Variants in CAMK2D observed in about 807,000 individuals in gnomAD.
CAMK2D encodes calcium/calmodulin-dependent protein kinase type II subunit delta.
A neutral mutation model predicts 84.0 loss-of-function variants in CAMK2D; 37 were observed. The ratio of observed to expected loss-of-function variants is 0.44; its 90% CI spans 0.34 to 0.58. The LOEUF is 0.58. Among genes scored for constraint, CAMK2D ranks in the 20% least tolerant of loss-of-function variants. CAMK2D has a pLI of 0.02. For synonymous variants in CAMK2D, 202 were observed against 212.5 expected (o/e 0.95, Z 0.43); for missense variants, 448 against 652.5 (o/e 0.69, Z 3.41).
intron 8 of CAMK2D, among the ~76,000 whole-genome samples, chr4:113,522,479 G>T (rs2098374033): frequency 6.6e-6 from 1 of 152,130 alleles, no homozygotes; most frequent in Non-Finnish European, 1.5e-5. Context: ...GCCAATGAAG[G>T]GCAGAACAAA....
intron 15 of CAMK2D, among the ~76,000 whole-genome samples, chr4:113,501,314 G>A (rs1455227040): frequency 7.2e-6 from 1 of 138,082 alleles, no homozygotes; most frequent in Non-Finnish European, 1.6e-5. Context: ...AAAATGGTGT[G>A]ATAAATGTGC....
chr4:113,724,647 C>G (rs573875235), intron 2 of CAMK2D, among the ~76,000 whole-genome samples: 2 of 151,318 alleles, frequency 1.3e-5, no homozygotes, highest in Non-Finnish European at 3.0e-5. Context: ...TTGAAATAAG[C>G]GGCTTTTGGT....
At chr4:113,495,744 C>CCA (rs950610677) in intron 16 of CAMK2D, among the ~76,000 whole-genome samples, 1 of 152,092 alleles carries the variant, frequency 6.6e-6, no homozygotes, top group African/African-American at 2.4e-5. Context: ...GATGAAGTCT[C>CCA]CACACACAGT....
chr4:113,696,449 T>A (rs2099403121), intron 2 of CAMK2D, among the ~76,000 whole-genome samples: 1 of 152,062 alleles, frequency 6.6e-6, no homozygotes, highest in African/African-American at 2.4e-5. Context: ...GTGGATCCAT[T>A]AAGAAGCAAG....
In CAMK2D at chr4:113,717,308, A is replaced by G. The variant is rs201710064; in HGVS notation, c.160+42012T>C. ...GCCAAAGAAAATGTTTATTAAAAAA[A>G]TAAGAGAAAAATCCTACTTGCAGAA... On this transcript the variant is annotated intron_variant, in intron 2 of 20. Coordinates refer to ENST00000511664, the MANE Select transcript of CAMK2D (RefSeq NM_001321571.2). Among the ~76,000 whole-genome samples the G allele has an allele frequency of 3.0e-4, 45 of 152,306 alleles. No homozygotes were observed. In the East Asian group the frequency reaches 6.4e-3, roughly 22 times the overall value.
rs1560628046 is a variant in CAMK2D at position 113,514,050 on chromosome 4, A to G, written c.820-137T>C. ...CAACTTCTAAGTATTCAATTGCCAAAGTTACCTAAAAATAAAATTTTAGTT... is the reference window on the plus strand; with the variant it reads ...CAACTTCTAAGTATTCAATTGCCAAGGTTACCTAAAAATAAAATTTTAGTT... On this transcript the variant is annotated intron_variant, in intron 10 of 20. Coordinates refer to ENST00000511664, the MANE Select transcript of CAMK2D (RefSeq NM_001321571.2). 10 of 487,046 alleles carry G rather than the reference A, an allele frequency of 2.1e-5. No homozygotes were observed. The East Asian group carries it at 3.6e-4, about 17-fold the overall frequency. The allele number at this position is 487,046 out of a possible 1,614,324, so 30.2% of individuals were successfully genotyped here. A position where few individuals can be genotyped will look rare whatever the true frequency, so the allele number is the denominator to read the frequency against.
At chr4:113,482,803 G>A (rs2097717486) in intron 16 of CAMK2D, among the ~76,000 whole-genome samples, 1 of 152,158 alleles carries the variant, frequency 6.6e-6, no homozygotes, top group African/African-American at 2.4e-5. Flanking sequence ...AATTTCCTTT[G>A]GATACTGAAG....
chr4:113,613,371 A>G (rs2099008570), intron 3 of CAMK2D, among the ~76,000 whole-genome samples: 1 of 152,146 alleles, frequency 6.6e-6, no homozygotes. Context: ...CTTTCTGTGA[A>G]CAAACTACTT....
intron 2 of CAMK2D, among the ~76,000 whole-genome samples, chr4:113,750,756 A>G (rs1413684610): frequency 6.6e-6 from 1 of 152,204 alleles, no homozygotes; most frequent in Admixed American, 6.5e-5. Context: ...CACGCCTGTA[A>G]TCCCAGGACT....
chr4:113,592,022 C>G (rs2098889806), intron 4 of CAMK2D, among the ~76,000 whole-genome samples: 1 of 152,082 alleles, frequency 6.6e-6, no homozygotes, highest in South Asian at 2.1e-4. Context: ...AAGTTCTTTG[C>G]ATATAATTAG....
intron 16 of CAMK2D, among the ~76,000 whole-genome samples, chr4:113,472,616 C>T (rs949702115): frequency 4.6e-5 from 7 of 152,128 alleles, no homozygotes; most frequent in African/African-American, 1.7e-4. Flanking sequence ...TGATGATAAG[C>T]CCTATTGAGA....
chr4:113,468,160 C>G (rs550972122), intron 16 of CAMK2D, among the ~76,000 whole-genome samples: 22 of 152,044 alleles, frequency 1.4e-4, no homozygotes, highest in Non-Finnish European at 3.1e-4. Flanking sequence ...TTAGAATCAT[C>G]GGGTGTATAT....
rs149253103 is a variant in CAMK2D at position 113,531,748 on chromosome 4, G to C, written c.518-449C>G. Among the ~76,000 whole-genome samples, 168 of 152,262 alleles carry C rather than the reference G, an allele frequency of 1.1e-3. 1 individual carries two copies. The highest frequency in any genetic ancestry group is 6.8e-3 in the Middle Eastern group (2 of 294). On this transcript the variant is annotated intron_variant, in intron 7 of 20. Coordinates refer to ENST00000511664, the MANE Select transcript of CAMK2D (RefSeq NM_001321571.2). ...TATGTACTTGTAACTGGCAACTAAA[G>C]AGAAGATGCAGGAATATTCAGATGA...
At chr4:113,661,005 C>T (rs2099228803) in intron 3 of CAMK2D, among the ~76,000 whole-genome samples, 1 of 151,454 alleles carries the variant, frequency 6.6e-6, no homozygotes, top group Admixed American at 6.6e-5. Context: ...ATGTGTTAGC[C>T]AGGATGGTCT....
At chr4:113,661,161 A>T (rs1009693730) in intron 3 of CAMK2D, among the ~76,000 whole-genome samples, 2 of 152,146 alleles carry the variant, frequency 1.3e-5, no homozygotes, top group African/African-American at 4.8e-5. Flanking sequence ...TTATTTTTTG[A>T]AGTGTTTATA....
At chr4:113,512,939 AT>A (rs1424465578) in intron 12 of CAMK2D, among the ~76,000 whole-genome samples, 1 of 152,212 alleles carries the variant, frequency 6.6e-6, no homozygotes, top group Non-Finnish European at 1.5e-5. Flanking sequence ...AAAATAACTT[AT>A]TCAAAGTTAT....
rs569095752 is a variant in CAMK2D, at chr4:113,544,234, A to G, written c.414+3410T>C. Among the ~76,000 whole-genome samples, 3 of 152,122 alleles carry G rather than the reference A, an allele frequency of 2.0e-5. No homozygotes were observed. The East Asian group carries it at 5.8e-4, about 29-fold the overall frequency. On this transcript the variant is annotated intron_variant, in intron 6 of 20. Coordinates refer to ENST00000511664, the MANE Select transcript of CAMK2D (RefSeq NM_001321571.2). The stretch of plus-strand genomic sequence containing the variant: ...TGCCCCCTACTCTACATTATATCTT[A>G]TTTTCTTTATTCCCAATGACACAGA...
rs770662144 is a variant in CAMK2D, at chr4:113,513,920, G to A, written c.820-7C>T. 10 of 1,449,584 alleles carry A rather than the reference G, an allele frequency of 6.9e-6. No homozygotes were observed. In the South Asian group the frequency reaches 1.2e-4, roughly 17 times the overall value. The allele number at this position is 1,449,584 out of a possible 1,614,324, so 89.8% of individuals were successfully genotyped here. On this transcript the variant is annotated splice_region_variant and splice_polypyrimidine_tract_variant and intron_variant, in intron 10 of 20. Transcript: ENST00000511664. ...AAGCAACAGTAGAACGTTGCTAGAA[G>A]AAGAGGAGAAAAAGTAACTTAATTG... is the stretch of plus-strand genomic sequence containing the variant.
At chr4:113,703,318 G>C (rs891522835) in intron 2 of CAMK2D, among the ~76,000 whole-genome samples, 1 of 152,172 alleles carries the variant, frequency 6.6e-6, no homozygotes, top group African/African-American at 2.4e-5. Context: ...TCTGTTTTGT[G>C]TTTTTTGTGG....
Sources: gnomAD v4.1 joint callset for allele counts (sites outside exome capture counted in the v4.1 genomes callset) on GRCh38, gnomAD v4.1.1 for gene constraint, MANE v1.5 for transcripts, NCBI Gene and HGNC (gene_info 2026-07-23, HGNC 2026-07-21) for gene names.